Variants in CCDC7 observed in about 807,000 individuals in gnomAD.
The protein encoded by CCDC7 is coiled-coil domain-containing protein 7.
CCDC7 carries 183 observed loss-of-function variants against 196.9 expected under a neutral mutation model. The observed-to-expected ratio is 0.93, with a 90% CI of 0.82 to 1.05. The LOEUF (loss-of-function observed/expected upper bound fraction) is 1.05, where lower values mean the gene tolerates loss of function less well. Ranked by LOEUF, CCDC7 falls within the 50% of genes least tolerant of loss-of-function variation. CCDC7 has a pLI of 0.00. For missense variants in CCDC7, 1,540 were observed against 1,482.2 expected, an observed-to-expected ratio of 1.04 and a Z score of -0.64; for synonymous variants, 525 against 484.6, an observed-to-expected ratio of 1.08 and a Z score of -1.10.
intron 33 of CCDC7, among the ~76,000 whole-genome samples, chr10:32,836,967 A>C (rs544768935): frequency 4.6e-5 from 7 of 152,316 alleles, no homozygotes; most frequent in African/African-American, 1.4e-4. Context: ...AAACCATAAA[A>C]ACCCTAGAAG....
At chr10:32,641,401 T>C (rs180747803) in intron 20 of CCDC7, among the ~76,000 whole-genome samples, 1 of 152,328 alleles carries the variant, frequency 6.6e-6, no homozygotes, top group East Asian at 1.9e-4. Flanking sequence ...TTTCATTCAT[T>C]TGATATTCCA....
chr10:32,800,018 A>T (rs2084448816), intron 29 of CCDC7, among the ~76,000 whole-genome samples: 1 of 152,206 alleles, frequency 6.6e-6, no homozygotes, highest in African/African-American at 2.4e-5. Flanking sequence ...CATACCAGGT[A>T]TCAGGAGATG....
intron 11 of CCDC7, among the ~76,000 whole-genome samples, chr10:32,519,052 A>G (rs943323717): frequency 1.3e-5 from 2 of 152,178 alleles, no homozygotes; most frequent in African/African-American, 4.8e-5. Context: ...CTAAATTTCA[A>G]TAATGTTGGT....
intron 28 of CCDC7, among the ~76,000 whole-genome samples, chr10:32,752,477 AC>A (rs1346031817): frequency 1.3e-5 from 2 of 152,104 alleles, no homozygotes; most frequent in African/African-American, 4.8e-5. Flanking sequence ...CTCTAGTCCC[AC>A]GTATAGTGGA....
chr10:32,627,152 T>A (rs2064168869), intron 18 of CCDC7, among the ~76,000 whole-genome samples: 1 of 151,948 alleles, frequency 6.6e-6, no homozygotes, highest in Non-Finnish European at 1.5e-5. Flanking sequence ...AGTGTGGACA[T>A]TTTTAAAAAT....
At chr10:32,688,289 T>C (rs1462826185) in intron 22 of CCDC7, among the ~76,000 whole-genome samples, 1 of 152,172 alleles carries the variant, frequency 6.6e-6, no homozygotes, top group African/African-American at 2.4e-5. Context: ...TCAAATTTAA[T>C]ATAAATCTCA....
rs773516818 is a variant in CCDC7 at position 32,694,988 on chromosome 10, T to C, written c.2454T>C (p.His818=). The C allele has an allele frequency of 4.6e-6, 7 of 1,518,366 alleles. No homozygotes were observed. The Admixed American group carries it at 9.2e-5, about 20-fold the overall frequency. The allele number at this position is 1,518,366 out of a possible 1,614,324, so 94.1% of individuals were successfully genotyped here. ...AAAAACTTCCTAGAGAGAAAAGACA[T>C]AGTAGTAAGTATAATAATTATAGAT... is the stretch of plus-strand genomic sequence containing the variant. Residue 818 remains histidine, a synonymous_variant, in exon 24 of 42, where the codon CAT becomes CAC. Coordinates refer to ENST00000639629, the Ensembl canonical transcript of CCDC7.
chr10:32,636,795 A>C (rs2065737375), intron 20 of CCDC7, among the ~76,000 whole-genome samples: 1 of 152,244 alleles, frequency 6.6e-6, no homozygotes, highest in Non-Finnish European at 1.5e-5. Context: ...ATCCCTGAAG[A>C]ATCGCCACAC....
intron 28 of CCDC7, among the ~76,000 whole-genome samples, chr10:32,731,880 C>G (rs917892893): frequency 2.0e-5 from 3 of 152,102 alleles, no homozygotes; most frequent in Admixed American, 6.6e-5. Context: ...GATGAAACCT[C>G]GTATCTACTA....
chr10:32,485,081 T>A (rs553575883), intron 8 of CCDC7, among the ~76,000 whole-genome samples: 1 of 152,360 alleles, frequency 6.6e-6, no homozygotes, highest in East Asian at 1.9e-4. Context: ...TGGTACCAGC[T>A]CCTCCTTGTA....
intron 24 of CCDC7, among the ~76,000 whole-genome samples, chr10:32,699,204 CT>C (rs1185659684): frequency 3.8e-4 from 38 of 100,288 alleles, no homozygotes; most frequent in Non-Finnish European, 5.0e-4. Flanking sequence ...GCCCTCCCCC[CT>C]CCCCCCACCC....
intron 20 of CCDC7, among the ~76,000 whole-genome samples, chr10:32,651,135 A>G (rs1439582481): frequency 6.6e-6 from 1 of 152,108 alleles, no homozygotes; most frequent in Non-Finnish European, 1.5e-5. Context: ...TCTAATCTTC[A>G]GGGAGATCTC....
intron 29 of CCDC7, among the ~76,000 whole-genome samples, chr10:32,801,700 G>A (rs1329380220): frequency 6.6e-6 from 1 of 152,146 alleles, no homozygotes; most frequent in East Asian, 1.9e-4. Context: ...GTTGGGAGTG[G>A]GTCCTGAGGA....
At chr10:32,485,062 CAGA>C (rs2040751365) in intron 8 of CCDC7, among the ~76,000 whole-genome samples, 1 of 152,196 alleles carries the variant, frequency 6.6e-6, no homozygotes, top group Non-Finnish European at 1.5e-5. Context: ...GGAATAGTTT[CAGA>C]AGGAGTGGTA....
At chr10:32,580,378 A>G (rs1489666720) in intron 16 of CCDC7, among the ~76,000 whole-genome samples, 2 of 152,116 alleles carry the variant, frequency 1.3e-5, no homozygotes, top group African/African-American at 4.8e-5. Flanking sequence ...GTCATCTTGG[A>G]CTTTTACTGA....
chr10:32,483,570 C>A (rs1430565486), intron 8 of CCDC7, among the ~76,000 whole-genome samples: 1 of 152,162 alleles, frequency 6.6e-6, no homozygotes, highest in Non-Finnish European at 1.5e-5. Flanking sequence ...AGTCCTTGCC[C>A]ATGCCTATGT....
At chr10:32,631,612 T>C (rs574182556) in intron 18 of CCDC7, among the ~76,000 whole-genome samples, 3 of 152,202 alleles carry the variant, frequency 2.0e-5, no homozygotes, top group Non-Finnish European at 4.4e-5. Context: ...TCTCATGTTT[T>C]GGTGGTTCTG....
intron 23 of CCDC7, among the ~76,000 whole-genome samples, chr10:32,691,985 C>G (rs935314821): frequency 1.4e-4 from 22 of 152,214 alleles, no homozygotes; most frequent in African/African-American, 5.1e-4. Flanking sequence ...CTTAAGGAGG[C>G]ATTCTGTAGT....
At position 32,683,380 on chromosome 10, in the gene CCDC7, G is replaced by A. The variant is rs1484931132; in HGVS notation, c.2123-2590G>A. On this transcript the variant is annotated intron_variant, in intron 21 of 41. Transcript: ENST00000639629. ...TATGTTTTTATACCACTACCATGCT[G>A]TTTTGGTTACTGTAACCTTGTAGAG... 2.0e-5 allele frequency among the ~76,000 whole-genome samples: 3 copies of A among 152,162 alleles called. No homozygotes were observed. The East Asian group carries it at 5.8e-4, about 29-fold the overall frequency.
Sources: allele counts gnomAD v4.1 joint callset (sites outside exome capture counted in the v4.1 genomes callset), GRCh38; gene constraint gnomAD v4.1.1; transcripts MANE v1.5; gene names NCBI Gene and HGNC (gene_info 2026-07-23, HGNC 2026-07-21).